The following PIWIL3 variants were observed in gnomAD, a reference collection of about 807,000 sequenced individuals.
PIWIL3 encodes piwi-like protein 3.
A neutral mutation model predicts 109.7 loss-of-function variants in PIWIL3; 101 were observed. That is an observed-to-expected ratio of 0.92 (90% CI 0.78 to 1.09). PIWIL3 has a LOEUF of 1.09. Ranked by LOEUF, PIWIL3 falls within the 50% of genes least tolerant of loss-of-function variation. The probability of loss-of-function intolerance (pLI) is 0.00; values close to 1 mark genes in which losing one functional copy is unlikely to be tolerated. For synonymous variants in PIWIL3, 373 were observed against 376.4 expected (o/e 0.99, Z 0.10); for missense variants, 1,031 against 1,072.6 (o/e 0.96, Z 0.54).
intron 8 of PIWIL3, among the ~76,000 whole-genome samples, chr22:24,751,960 C>T (rs781334814): frequency 2.0e-5 from 3 of 152,184 alleles, no homozygotes; most frequent in Non-Finnish European, 4.4e-5. Flanking sequence ...GATATCCCAC[C>T]TTTTGTTTAT....
At chr22:24,762,214 A>T in intron 2 of PIWIL3, 184 bp downstream of exon 2, 1 of 1,075,252 alleles carries the variant, frequency 9.3e-7, no homozygotes, top group Non-Finnish European at 1.2e-6. Flanking sequence ...AGCAGTGGAG[A>T]GTACATCTGA....
At chr22:24,742,695 A>G (rs947498018) in intron 12 of PIWIL3, among the ~76,000 whole-genome samples, 5 of 152,228 alleles carry the variant, frequency 3.3e-5, no homozygotes, top group African/African-American at 1.2e-4. Flanking sequence ...TTGGCAAGCC[A>G]CATGTAGCAG....
At chr22:24,753,960 G>A (rs1924857665) in intron 8 of PIWIL3, 54 bp downstream of exon 8, 3 of 1,447,094 alleles carry the variant, frequency 2.1e-6, no homozygotes, top group African/African-American at 2.8e-5. Flanking sequence ...ATCTCTTGGG[G>A]TGGGGGAAGG....
chr22:24,740,122 G>A (rs914587711), intron 12 of PIWIL3, among the ~76,000 whole-genome samples: 13 of 149,426 alleles, frequency 8.7e-5, no homozygotes, highest in African/African-American at 3.2e-4. Flanking sequence ...AGGAGGCTGA[G>A]GCAGAGAATT....
At chr22:24,721,462 C>A (rs911241539) in intron 19 of PIWIL3, among the ~76,000 whole-genome samples, 1 of 152,166 alleles carries the variant, frequency 6.6e-6, no homozygotes, top group African/African-American at 2.4e-5. Context: ...CCCCACCACA[C>A]CCCCATCATA....
intron 18 of PIWIL3, among the ~76,000 whole-genome samples, chr22:24,724,391 A>T (rs1456938414): frequency 6.6e-6 from 1 of 151,790 alleles, no homozygotes; most frequent in Non-Finnish European, 1.5e-5. Flanking sequence ...CTTTCTGAGT[A>T]GCTGGGACTA....
rs1158582121 is a variant in PIWIL3, at chr22:24,735,605, A to G, written c.1634+103T>C. On this transcript the variant is annotated intron_variant, in intron 13 of 20. Transcript: ENST00000616349. Reference sequence around the variant, plus strand: ...TAGAGATTAGACTTTACAAACTCTAAGGTTTTGATACAGTGACCAATTCCT... The same window carrying G: ...TAGAGATTAGACTTTACAAACTCTAGGGTTTTGATACAGTGACCAATTCCT... 3 of 1,161,904 alleles carry G rather than the reference A, an allele frequency of 2.6e-6. No homozygotes were observed. The African/African-American group carries it at 4.7e-5, about 18-fold the overall frequency. 72.0% of individuals were successfully genotyped at this position (1,161,904 alleles called of 1,614,324 possible).
At chr22:24,724,013 G>A (rs1434076643) in intron 18 of PIWIL3, among the ~76,000 whole-genome samples, 1 of 152,098 alleles carries the variant, frequency 6.6e-6, no homozygotes, top group Non-Finnish European at 1.5e-5. Context: ...AATTTAACAA[G>A]CCTTCCCACA....
intron 12 of PIWIL3, among the ~76,000 whole-genome samples, chr22:24,737,255 C>G (rs1415269142): frequency 6.6e-6 from 1 of 152,156 alleles, no homozygotes; most frequent in African/African-American, 2.4e-5. Flanking sequence ...AGCGCAGCTA[C>G]AGTAGGACAG....
intron 15 of PIWIL3, 57 bp downstream of exon 15, chr22:24,728,120 G>A: frequency 6.2e-7 from 1 of 1,607,538 alleles, no homozygotes. Context: ...TAACAATTAA[G>A]AGAATCTCAA....
At chr22:24,724,344 G>A (rs1922860046) in intron 18 of PIWIL3, among the ~76,000 whole-genome samples, 2 of 151,766 alleles carry the variant, frequency 1.3e-5, no homozygotes, top group African/African-American at 4.8e-5. Flanking sequence ...AGGTATGAGT[G>A]CAGTGCTCCT....
chr22:24,756,482 T>G lies in PIWIL3; in HGVS notation c.570+9A>C. On this transcript the variant is annotated intron_variant, in intron 5 of 20. Transcript: ENST00000616349. ...GAACACAGGAAAATGTGAAACAACA[T>G]TACTTAACCCGCTCTTTTAGTGGCC... 6.2e-7 allele frequency: 1 copy of G among 1,607,122 alleles called. No homozygotes were observed. Among genetic ancestry groups the G allele is most frequent in the Non-Finnish European group, 8.5e-7 (1 of 1,174,858 alleles).
chr22:24,751,748 C>T (rs564617883), intron 8 of PIWIL3, among the ~76,000 whole-genome samples: 1 of 152,320 alleles, frequency 6.6e-6, no homozygotes, highest in East Asian at 1.9e-4. Context: ...CCATTTTAGC[C>T]TAATCCACCA....
At chr22:24,734,966 G>A (rs540432687) in intron 13 of PIWIL3, among the ~76,000 whole-genome samples, 3 of 151,914 alleles carry the variant, frequency 2.0e-5, no homozygotes, top group East Asian at 3.9e-4. Flanking sequence ...AAAAGAAGCC[G>A]AGGCTGAGAA....
At chr22:24,747,490 A>C (rs897165562) in intron 12 of PIWIL3, among the ~76,000 whole-genome samples, 2 of 152,232 alleles carry the variant, frequency 1.3e-5, no homozygotes, top group African/African-American at 4.8e-5. Context: ...TCTATGTAGC[A>C]AAGGAAACAA....
chr22:24,765,489 C>T (rs1174065736), intron 1 of PIWIL3, among the ~76,000 whole-genome samples: 1 of 152,088 alleles, frequency 6.6e-6, no homozygotes, highest in Non-Finnish European at 1.5e-5. Flanking sequence ...CTTGAGTCTT[C>T]CTTTTTAAAT....
intron 4 of PIWIL3, among the ~76,000 whole-genome samples, chr22:24,757,561 G>A (rs1009972135): frequency 1.6e-4 from 16 of 99,684 alleles, no homozygotes; most frequent in African/African-American, 6.1e-4. Context: ...CCAGGTGTAA[G>A]GATGGCTTGG....
chr22:24,745,809 C>CATT (rs1924333826), intron 12 of PIWIL3, among the ~76,000 whole-genome samples: 1 of 149,478 alleles, frequency 6.7e-6, no homozygotes. Context: ...TGTAAAGGTT[C>CATT]ATTCCTGGCT....
chr22:24,760,780 CAAAAAAAAAAA>C (rs61469163), intron 2 of PIWIL3, among the ~76,000 whole-genome samples: 12 of 41,030 alleles, frequency 2.9e-4, no homozygotes, highest in African/African-American at 2.8e-4. Context: ...AACTCTGTCT[CAAAAAAAAAAA>C]AAAAAAAAAA....
Sources: gnomAD v4.1 joint callset for allele counts (sites outside exome capture counted in the v4.1 genomes callset) on GRCh38, gnomAD v4.1.1 for gene constraint, MANE v1.5 for transcripts, NCBI Gene and HGNC (gene_info 2026-07-23, HGNC 2026-07-21) for gene names.